MARCHF1: variants seen among roughly 807,000 people sequenced by gnomAD.
MARCHF1 encodes the protein membrane associated ring-CH-type finger 1.
A neutral mutation model predicts 54.2 loss-of-function variants in MARCHF1; 40 were observed. The observed-to-expected ratio is 0.74, with a 90% CI of 0.57 to 0.96. The LOEUF is 0.96. Among genes scored for constraint, MARCHF1 ranks in the 40% least tolerant of loss-of-function variants. MARCHF1 has a pLI of 0.00. For missense variants in MARCHF1, 586 were observed against 656.5 expected (o/e 0.89, Z 1.17); for synonymous variants, 236 against 236.3 (o/e 1.00, Z 0.01).
intron 3 of MARCHF1, among the ~76,000 whole-genome samples, chr4:163,906,930 T>A (rs758091052): frequency 1.3e-5 from 2 of 151,986 alleles, no homozygotes; most frequent in Non-Finnish European, 2.9e-5. Flanking sequence ...TTTATGAATA[T>A]TTTTTGCATC....
At chr4:164,030,979 A>G (rs561135354) in intron 2 of MARCHF1, among the ~76,000 whole-genome samples, 57 of 152,218 alleles carry the variant, frequency 3.7e-4, no homozygotes, top group African/African-American at 1.4e-3. Flanking sequence ...GGCTGAGACA[A>G]TGGGGTTTTC....
At chr4:164,192,191 C>T (rs115301708) in intron 1 of MARCHF1, among the ~76,000 whole-genome samples, 1,979 of 152,116 alleles carry the variant, frequency 0.013, 35 homozygotes, top group African/African-American at 0.042. Context: ...GCTAAGTATA[C>T]GATTATATTT....
At chr4:164,080,670 GTATA>G (rs200634952) in intron 2 of MARCHF1, among the ~76,000 whole-genome samples, 67 of 149,530 alleles carry the variant, frequency 4.5e-4, no homozygotes, top group African/African-American at 1.6e-3. Context: ...GTGTGTGTGT[GTATA>G]TATATATATA....
intron 3 of MARCHF1, among the ~76,000 whole-genome samples, chr4:163,943,480 G>T (rs1299691995): frequency 6.6e-6 from 1 of 152,068 alleles, no homozygotes; most frequent in Non-Finnish European, 1.5e-5. Flanking sequence ...CTTTGTTGAA[G>T]GTCAGATGGA....
At chr4:164,003,358 A>G (rs1753222962) in intron 2 of MARCHF1, among the ~76,000 whole-genome samples, 1 of 152,106 alleles carries the variant, frequency 6.6e-6, no homozygotes, top group African/African-American at 2.4e-5. Context: ...TATTAAATGT[A>G]AATGGTATAA....
intron 2 of MARCHF1, among the ~76,000 whole-genome samples, chr4:164,037,571 T>C (rs931957095): frequency 2.0e-5 from 3 of 152,158 alleles, no homozygotes; most frequent in African/African-American, 7.2e-5. Flanking sequence ...AAATCTCTCA[T>C]GCAGGAAAAT....
chr4:164,192,988 C>A (rs534144597), intron 1 of MARCHF1, among the ~76,000 whole-genome samples: 20 of 152,310 alleles, frequency 1.3e-4, no homozygotes, highest in South Asian at 4.1e-4. Flanking sequence ...TGTATCCCTA[C>A]CCGGCTCTTG....
chr4:163,828,014 TACACAC>T (rs748460236), intron 4 of MARCHF1, among the ~76,000 whole-genome samples: 6,328 of 124,454 alleles, frequency 0.051, 145 homozygotes, highest in Middle Eastern at 0.077. Flanking sequence ...TGCGCAGGCA[TACACAC>T]ACACACACAC....
chr4:164,045,823 C>A (rs1005707897), intron 2 of MARCHF1, among the ~76,000 whole-genome samples: 6 of 151,822 alleles, frequency 4.0e-5, no homozygotes, highest in Non-Finnish European at 8.8e-5. Context: ...TTAATAGTTA[C>A]ATGAGGACAA....
At chr4:164,013,574 C>G (rs1173035221) in intron 2 of MARCHF1, among the ~76,000 whole-genome samples, 1 of 152,042 alleles carries the variant, frequency 6.6e-6, no homozygotes, top group Non-Finnish European at 1.5e-5. Context: ...CCAAATAAGA[C>G]TACCTCAAGG....
At chr4:163,548,212 A>T (rs1738976702) in intron 8 of MARCHF1, among the ~76,000 whole-genome samples, 1 of 152,222 alleles carries the variant, frequency 6.6e-6, no homozygotes, top group African/African-American at 2.4e-5. Context: ...ATATTCCTTG[A>T]ATTACTTCAG....
chr4:163,722,530 T>A (rs144882261), intron 4 of MARCHF1, among the ~76,000 whole-genome samples: 5 of 152,224 alleles, frequency 3.3e-5, no homozygotes, highest in African/African-American at 1.2e-4. Flanking sequence ...GAGAGTTCTA[T>A]AGATGTCTAT....
rs1751406631 is a variant in MARCHF1 at position 163,920,545 on chromosome 4, C to T, written c.-38-66376G>A. Among the ~76,000 whole-genome samples, 4 of 152,240 alleles carry T rather than the reference C, an allele frequency of 2.6e-5. No homozygotes were observed. In the South Asian group the frequency reaches 8.3e-4, roughly 32 times the overall value. On this transcript the variant is annotated intron_variant, in intron 3 of 9. Coordinates refer to ENST00000514618, the MANE Select transcript of MARCHF1 (RefSeq NM_001394959.1). Reference sequence around the variant, plus strand: ...ATGAGGTTATGCCCTAGACAGCTTCCCTGGAGACAGACTGCTGACCCTATG... The same window carrying T: ...ATGAGGTTATGCCCTAGACAGCTTCTCTGGAGACAGACTGCTGACCCTATG...
intron 7 of MARCHF1, among the ~76,000 whole-genome samples, chr4:163,602,255 T>TTTTACAGA: frequency 6.6e-6 from 1 of 152,128 alleles, no homozygotes; most frequent in East Asian, 1.9e-4. Context: ...ATGCTTACTC[T>TTTTACAGA]GTAAAGCACA....
rs181374364 is a variant in MARCHF1, at chr4:164,127,601, A to G, written c.-322-15939T>C. Among the ~76,000 whole-genome samples the G allele has an allele frequency of 4.6e-5, 7 of 152,342 alleles. No individual in the cohort carries two copies. In the East Asian group the frequency reaches 9.6e-4, roughly 21 times the overall value. ...AGTAAACTAGAAAAATAAAAAACTG[A>G]CATTCAAGAATTGAAGATATATCAT... On this transcript the variant is annotated intron_variant, in intron 1 of 9. Coordinates refer to ENST00000514618, the MANE Select transcript of MARCHF1 (RefSeq NM_001394959.1).
chr4:163,682,398 G>A (rs1225149030), intron 5 of MARCHF1, among the ~76,000 whole-genome samples: 4 of 152,170 alleles, frequency 2.6e-5, no homozygotes, highest in Admixed American at 1.3e-4. Flanking sequence ...GAGACAATGG[G>A]GAAAATGTCT....
intron 2 of MARCHF1, among the ~76,000 whole-genome samples, chr4:164,020,405 A>G (rs1470173681): frequency 6.6e-6 from 1 of 152,230 alleles, no homozygotes; most frequent in Non-Finnish European, 1.5e-5. Flanking sequence ...TGGCAGAAAT[A>G]TATCCAAATC....
chr4:164,251,062 T>A (rs116385014), intron 1 of MARCHF1, among the ~76,000 whole-genome samples: 68 of 152,296 alleles, frequency 4.5e-4, no homozygotes, highest in Non-Finnish European at 5.1e-4. Context: ...ACAATTATTA[T>A]TAGCATAATG....
At chr4:164,327,288 A>T (rs1428473637) in intron 1 of MARCHF1, among the ~76,000 whole-genome samples, 1 of 152,202 alleles carries the variant, frequency 6.6e-6, no homozygotes. Context: ...AATGAAACTA[A>T]AAAGTCAACA....
Sources: allele counts gnomAD v4.1 joint callset (sites outside exome capture counted in the v4.1 genomes callset), GRCh38; gene constraint gnomAD v4.1.1; transcripts MANE v1.5; gene names NCBI Gene and HGNC (gene_info 2026-07-23, HGNC 2026-07-21).